TRMT5: variants seen among roughly 807,000 people sequenced by gnomAD.
TRMT5 encodes the protein tRNA methyltransferase 5.
In TRMT5, 31 loss-of-function variants were observed where a neutral mutation model predicts 42.2. The ratio of observed to expected loss-of-function variants is 0.73; its 90% CI spans 0.55 to 0.99. The LOEUF is 0.99. Among genes scored for constraint, TRMT5 ranks in the 50% least tolerant of loss-of-function variants. The probability of loss-of-function intolerance (pLI) is 0.00; values close to 1 mark genes in which losing one functional copy is unlikely to be tolerated. For missense variants in TRMT5, 568 were observed against 595.0 expected (o/e 0.95, Z 0.47); for synonymous variants, 198 against 209.6 (o/e 0.94, Z 0.48).
At position 60,975,464 on chromosome 14, in the gene TRMT5, A is replaced by T; in HGVS notation, c.1444+11T>A. 6.2e-7 allele frequency: 1 copy of T among 1,601,094 alleles called. No homozygotes were observed. On this transcript the variant is annotated intron_variant, in intron 4 of 4. Coordinates refer to ENST00000261249, the MANE Select transcript of TRMT5 (RefSeq NM_020810.3). ...GCAAGGTTTACATTTAATTTCCCAG[A>T]AACTGCTCACCTGGATTTCTGGTCT...
At chr14:60,980,938 G>A (rs747438498) in intron 1 of TRMT5, 25 bp downstream of exon 1, 45 of 1,612,412 alleles carry the variant, frequency 2.8e-5, no homozygotes, top group Non-Finnish European at 3.5e-5. Flanking sequence ...TGGACCATTA[G>A]CCCCTAACGC....
rs773836674 is a variant in TRMT5 at position 60,979,232 on chromosome 14, A to G, written c.666T>C (p.Ile222=). 1.3e-6 allele frequency: 2 copies of G among 1,599,702 alleles called. No individual in the cohort carries two copies. The highest frequency in any genetic ancestry group is 2.2e-5 in the East Asian group (1 of 44,686). Reference sequence around the variant, plus strand: ...TGAATATTACTATGACACACGTACCAATTAAATGTTTGAAAGGCAGCTGAT... The same window carrying G: ...TGAATATTACTATGACACACGTACCGATTAAATGTTTGAAAGGCAGCTGAT... ...RDHQLPFKHL[I]GQVMIDKNPG... Residue 222 remains isoleucine, a splice_region_variant and synonymous_variant, in exon 2 of 5, where the codon ATT becomes ATC. Transcript: ENST00000261249.
At chr14:60,981,104 G>A, upstream of TRMT5, 2 of 1,584,784 alleles carry the variant, frequency 1.3e-6, no homozygotes, top group Non-Finnish European at 1.7e-6. Context: ...TCGCCGCGAA[G>A]AGGGCGCGCG....
Position 60,971,703 on chromosome 14 carries a change from C to G in TRMT5, c.*3406G>C, listed in dbSNP as rs1376827804. 6.3e-6 allele frequency: 1 copy of G among 158,658 alleles called. No individual in the cohort carries two copies. The highest frequency in any genetic ancestry group is 1.9e-4 in the East Asian group (1 of 5,338). The allele number at this position is 158,658 out of a possible 1,614,324, so 9.8% of individuals were successfully genotyped here. On this transcript the variant is annotated 3_prime_UTR_variant, in exon 5 of 5. Transcript: ENST00000261249. ...CTTTTCACAAGCCAACCCTGACTTT[C>G]AGGAAGTGAAATGAAAATGGCAGAA... is the stretch of plus-strand genomic sequence containing the variant.
upstream of TRMT5, chr14:60,981,273 G>A (rs1250558458): frequency 1.3e-6 from 2 of 1,597,702 alleles, no homozygotes; most frequent in Admixed American, 3.5e-5. Flanking sequence ...CAGCTGGAGA[G>A]CAGCATGGAG....
chr14:60,977,424 G>A, intron 3 of TRMT5, 90 bp downstream of exon 3: 2 of 1,321,056 alleles, frequency 1.5e-6, no homozygotes, highest in South Asian at 3.2e-5. Context: ...CACCAACACT[G>A]GATGTTACAA....
At chr14:60,980,221 T>C (rs2036928696) in intron 1 of TRMT5, among the ~76,000 whole-genome samples, 1 of 152,256 alleles carries the variant, frequency 6.6e-6, no homozygotes, top group Non-Finnish European at 1.5e-5. Context: ...AATGGTCATC[T>C]GTAAATGAAA....
At chr14:60,981,193 C>T (rs2036979073), upstream of TRMT5, 1 of 1,537,766 alleles carries the variant, frequency 6.5e-7, no homozygotes, top group Non-Finnish European at 8.8e-7. Context: ...GGGCTCAAAG[C>T]TCCGCCTCTG....
chr14:60,981,297 G>A (rs780941505), upstream of TRMT5: 2 of 1,608,498 alleles, frequency 1.2e-6, no homozygotes, highest in Non-Finnish European at 8.5e-7. Context: ...TCCTGGGGGA[G>A]CTTCAACGCT....
At chr14:60,977,039 T>G (rs1456763239) in intron 3 of TRMT5, among the ~76,000 whole-genome samples, 1 of 152,142 alleles carries the variant, frequency 6.6e-6, no homozygotes. Flanking sequence ...TATGTATATT[T>G]TTTTTCCTTC....
Position 60,975,579 on chromosome 14 carries a change from C to T in TRMT5, c.1340G>A (p.Ser447Asn). 1.2e-6 allele frequency: 2 copies of T among 1,614,230 alleles called. No individual in the cohort carries two copies. The highest frequency in any genetic ancestry group is 1.7e-6 in the Non-Finnish European group (2 of 1,180,036). ...AVLGISLEACSSVHLVRNVAP... is the reference protein window; with the variant it reads ...AVLGISLEACNSVHLVRNVAP... ...CACATTTCTTACCAGGTGAACTGAA[C>T]TGCATGCCTCCAGAGAAATGCCTAA... Residue 447 changes from serine to asparagine, a missense_variant, in exon 4 of 5, where the codon AGT (serine) becomes AAT (asparagine). Ser to Asn is a conservative substitution (Grantham distance 46). Coordinates refer to ENST00000261249, the MANE Select transcript of TRMT5 (RefSeq NM_020810.3).
upstream of TRMT5, chr14:60,981,208 G>T (rs369276045): frequency 6.5e-7 from 1 of 1,545,614 alleles, no homozygotes; most frequent in South Asian, 1.2e-5. Context: ...CCTCTGGCGC[G>T]ACCGACGACT....
intron 2 of TRMT5, 141 bp downstream of exon 2, chr14:60,979,090 T>C: frequency 1.3e-6 from 1 of 746,124 alleles, no homozygotes; most frequent in Non-Finnish European, 2.1e-6. Flanking sequence ...AGAGGGTATG[T>C]AGCTCAAGAT....
rs1594925440 is a variant in TRMT5 at position 60,976,043 on chromosome 14, G to C, written c.876C>G (p.Ile292Met). 6.2e-7 allele frequency: 1 copy of C among 1,614,214 alleles called. No homozygotes were observed. ...CATCCCCAGGTTTGAGAAGTTCTGT[G>C]ATACGGCTGTGTTCTGTAGACAGAC... ...NPRLSTEHSR[I>M]TELLKPGDVL... Residue 292 changes from isoleucine (I) to methionine (M), a missense_variant, in exon 4 of 5, where the codon ATC becomes ATG. Transcript: ENST00000261249.
Position 60,976,071 on chromosome 14 carries a change from G to C in TRMT5, c.848C>G (p.Pro283Arg). The change falls in exon 4 of 5, where the codon CCT becomes CGT. Residue 283 changes from proline (P) to arginine (R), a missense_variant. Transcript: ENST00000261249. The part of the protein sequence containing the change: ...EFDFSKVYWN[P>R]RLSTEHSRIT... ...ACGGCTGTGTTCTGTAGACAGACGA[G>C]GATTCCAATAGACTTTTGAAAAATC... The C allele has an allele frequency of 6.2e-7, 1 of 1,613,750 alleles. No homozygotes were observed.
chr14:60,981,576 T>A (rs1023024305), upstream of TRMT5: 5 of 1,519,728 alleles, frequency 3.3e-6, no homozygotes, highest in Admixed American at 7.9e-5. Flanking sequence ...GATAGCAGCC[T>A]AGCATACTCT....
At position 60,974,054 on chromosome 14, in the gene TRMT5, T is replaced by G. The variant is rs968492622; in HGVS notation, c.*1055A>C. 12 of 152,260 alleles carry G rather than the reference T, an allele frequency of 7.9e-5. No homozygotes were observed. Among genetic ancestry groups the G allele is most frequent in the Non-Finnish European group, 1.6e-4 (11 of 68,048 alleles). 9.4% of individuals were successfully genotyped at this position (152,260 alleles called of 1,614,324 possible). ...TCTTTTAGCTTAGCTATATAGATGCTTTGTCGTCTAATTCAACATCAAAAT... is the reference window on the plus strand; with the variant it reads ...TCTTTTAGCTTAGCTATATAGATGCGTTGTCGTCTAATTCAACATCAAAAT... On this transcript the variant is annotated 3_prime_UTR_variant, in exon 5 of 5. Coordinates refer to ENST00000261249, the MANE Select transcript of TRMT5 (RefSeq NM_020810.3).
chr14:60,977,628 C>T lies in TRMT5; in HGVS notation c.678G>A (p.Met226Ile), dbSNP rs774055085. 2.6e-5 allele frequency: 41 copies of T among 1,602,110 alleles called. No homozygotes were observed. The South Asian group carries it at 4.6e-4, about 18-fold the overall frequency. The change falls in exon 3 of 5, where the codon ATG becomes ATA. Residue 226 changes from methionine (M) to isoleucine (I), a missense_variant. Coordinates refer to ENST00000261249, the MANE Select transcript of TRMT5 (RefSeq NM_020810.3). ...LPFKHLIGQV[M>I]IDKNPGITSA... ...AGGTGATTCCTGGATTTTTGTCAAT[C>T]ATAACCTGGCCTAAAAGAAAAAATG...
chr14:60,981,219 G>A, upstream of TRMT5: 1 of 1,553,826 alleles, frequency 6.4e-7, no homozygotes, highest in East Asian at 2.4e-5. Context: ...ACCGACGACT[G>A]GAGCGCAGGG....
Sources: gnomAD v4.1 joint callset for allele counts (sites outside exome capture counted in the v4.1 genomes callset) on GRCh38, gnomAD v4.1.1 for gene constraint, MANE v1.5 for transcripts, NCBI Gene and HGNC (gene_info 2026-07-23, HGNC 2026-07-21) for gene names.